Variants in ADSS2 observed in about 807,000 individuals in gnomAD.
ADSS2 encodes the protein adenylosuccinate synthase 2.
ADSS2 carries 30 observed loss-of-function variants against 60.0 expected under a neutral mutation model. The ratio of observed to expected loss-of-function variants is 0.50; its 90% confidence interval spans 0.37 to 0.68. The LOEUF (loss-of-function observed/expected upper bound fraction) is 0.68. Among genes scored for constraint, ADSS2 ranks in the 30% least tolerant of loss-of-function variants. The pLI is 0.00. For synonymous variants in ADSS2, 187 were observed against 193.1 expected (o/e 0.97, Z 0.26); for missense variants, 373 against 554.8 (o/e 0.67, Z 3.29).
At chr1:244,426,032 A>T (rs12080907) in intron 4 of ADSS2, among the ~76,000 whole-genome samples, 18,077 of 152,118 alleles carry the variant, frequency 0.12, 1,364 homozygotes, top group African/African-American at 0.19. Context: ...AAAAGAATAA[A>T]TACTCTTTAT....
Position 244,409,534 on chromosome 1 carries a change from A to C in ADSS2, c.*52T>G. The C allele has an allele frequency of 7.2e-7, 1 of 1,386,048 alleles. No individual in the cohort carries two copies. Among genetic ancestry groups the C allele is most frequent in the South Asian group, 1.2e-5 (1 of 83,200 alleles). 85.9% of individuals were successfully genotyped at this position (1,386,048 alleles called of 1,614,324 possible). ...GCAGGTCATAAATGAAATATTTAAG[A>C]AAGTCTTTTCCCCTCCCTCTCAAGG... On this transcript the variant is annotated 3_prime_UTR_variant, in exon 13 of 13. Transcript: ENST00000366535.
At position 244,409,547 on chromosome 1, in the gene ADSS2, C is replaced by T. The variant is rs1314012935; in HGVS notation, c.*39G>A. 2 of 1,492,566 alleles carry T rather than the reference C, an allele frequency of 1.3e-6. No homozygotes were observed. The highest frequency in any genetic ancestry group is 2.3e-5 in the East Asian group (1 of 44,134). The allele number at this position is 1,492,566 out of a possible 1,614,324, so 92.5% of individuals were successfully genotyped here. On this transcript the variant is annotated 3_prime_UTR_variant, in exon 13 of 13. Coordinates refer to ENST00000366535, the MANE Select transcript of ADSS2 (RefSeq NM_001126.5). Reference sequence around the variant, plus strand: ...GAAATATTTAAGAAAGTCTTTTCCCCTCCCTCTCAAGGAGTGTTTCTTGCA... The same window carrying T: ...GAAATATTTAAGAAAGTCTTTTCCCTTCCCTCTCAAGGAGTGTTTCTTGCA...
intron 11 of ADSS2, among the ~76,000 whole-genome samples, chr1:244,414,652 C>T (rs1354607683): frequency 6.6e-6 from 1 of 152,208 alleles, no homozygotes; most frequent in Non-Finnish European, 1.5e-5. Flanking sequence ...AGACAACAAC[C>T]AGAATCCTAC....
upstream of ADSS2, chr1:244,452,005 G>C (rs928037740): frequency 1.8e-6 from 1 of 557,892 alleles, no homozygotes; most frequent in East Asian, 3.4e-5. Context: ...CCGCTCAAGG[G>C]GGTACCATGA....
chr1:244,450,994 TAAAAAC>T (rs769571793), intron 1 of ADSS2, among the ~76,000 whole-genome samples: 106 of 152,154 alleles, frequency 7.0e-4, no homozygotes, highest in East Asian at 5.2e-3. Flanking sequence ...GAGCACACTG[TAAAAAC>T]AAAAACAAAA....
At position 244,437,663 on chromosome 1, in the gene ADSS2, T is replaced by TAC; in HGVS notation, c.286+1_286+2dup. On this transcript the variant is annotated splice_region_variant and intron_variant, in intron 2 of 12. Coordinates refer to ENST00000366535, the MANE Select transcript of ADSS2 (RefSeq NM_001126.5). ...CTCCATGCAGTTCAGTTTATATACT[T>TAC]ACCAATGAATGCAGTGACATTTGGA... The TAC allele has an allele frequency of 6.4e-7, 1 of 1,561,858 alleles. No homozygotes were observed. Among genetic ancestry groups the TAC allele is most frequent in the Non-Finnish European group, 8.8e-7 (1 of 1,133,960 alleles).
chr1:244,422,685 T>C, intron 7 of ADSS2, 150 bp downstream of exon 7: 1 of 593,594 alleles, frequency 1.7e-6, no homozygotes, highest in Non-Finnish European at 3.0e-6. Flanking sequence ...GTCTAAGCCA[T>C]ATCATGTAAA....
intron 4 of ADSS2, among the ~76,000 whole-genome samples, chr1:244,426,617 T>C (rs1019945122): frequency 1.3e-5 from 2 of 152,176 alleles, no homozygotes; most frequent in Non-Finnish European, 2.9e-5. Context: ...TTTACTATTA[T>C]AGTTAAGTTT....
chr1:244,437,548 T>C lies in ADSS2; in HGVS notation c.286+118A>G, dbSNP rs1665135849. 5 of 739,416 alleles carry C rather than the reference T, an allele frequency of 6.8e-6. No homozygotes were observed. The South Asian group carries it at 7.0e-5, about 10-fold the overall frequency. The allele number at this position is 739,416 out of a possible 1,614,324, so 45.8% of individuals were successfully genotyped here. A position where few individuals can be genotyped will look rare whatever the true frequency, so the allele number is the denominator to read the frequency against. On this transcript the variant is annotated intron_variant, in intron 2 of 12. Coordinates refer to ENST00000366535, the MANE Select transcript of ADSS2 (RefSeq NM_001126.5). ...CAGAAGGTATCAAGGTCAAAATTAA[T>C]AAGAGATCAATGAACCATCTGGTCA... is the stretch of plus-strand genomic sequence containing the variant.
intron 2 of ADSS2, 53 bp downstream of exon 2, chr1:244,437,613 C>T (rs1342729562): frequency 8.1e-7 from 1 of 1,235,686 alleles, no homozygotes; most frequent in Non-Finnish European, 1.2e-6. Flanking sequence ...AAAATAAACG[C>T]CATTATCAAC....
At chr1:244,412,783 A>G (rs1284108104) in intron 11 of ADSS2, among the ~76,000 whole-genome samples, 1 of 152,184 alleles carries the variant, frequency 6.6e-6, no homozygotes, top group African/African-American at 2.4e-5. Context: ...ACTGAATGGG[A>G]CATCTGAGTT....
chr1:244,414,724 G>A (rs1664491265), intron 11 of ADSS2, among the ~76,000 whole-genome samples: 1 of 152,198 alleles, frequency 6.6e-6, no homozygotes, highest in African/African-American at 2.4e-5. Flanking sequence ...TCTGCTGCTG[G>A]TGGGGAGTAC....
At chr1:244,446,976 C>G (rs1374967401) in intron 1 of ADSS2, among the ~76,000 whole-genome samples, 1 of 152,048 alleles carries the variant, frequency 6.6e-6, no homozygotes, top group African/African-American at 2.4e-5. Flanking sequence ...CTCATGGAGC[C>G]TCTTTTCAAA....
rs776911337 is a variant in ADSS2 at position 244,420,279 on chromosome 1, A to C, written c.681T>G (p.Ile227Met). 6.2e-7 allele frequency: 1 copy of C among 1,612,836 alleles called. No homozygotes were observed. Among genetic ancestry groups the C allele is most frequent in the Non-Finnish European group, 8.5e-7 (1 of 1,179,440 alleles). The part of the protein sequence containing the change: ...LQKLKGYMEK[I>M]KPMVRDGVYF... ...AAACTCCATCTCTCACCATTGGTTT[A>C]ATCTTTTCCATATAACCCTATACAC... The change falls in exon 8 of 13, where the codon ATT (isoleucine) becomes ATG (methionine). Residue 227 changes from isoleucine to methionine, a missense_variant. Coordinates refer to ENST00000366535, the MANE Select transcript of ADSS2 (RefSeq NM_001126.5).
chr1:244,435,838 T>C (rs1207408244), intron 3 of ADSS2, among the ~76,000 whole-genome samples: 1 of 152,244 alleles, frequency 6.6e-6, no homozygotes, highest in Non-Finnish European at 1.5e-5. Context: ...AAGTAAGCAG[T>C]ACAGCAGCAG....
At chr1:244,428,519 G>T (rs1442616842) in intron 4 of ADSS2, among the ~76,000 whole-genome samples, 1 of 151,530 alleles carries the variant, frequency 6.6e-6, no homozygotes. Context: ...AGGAAGGAAG[G>T]GAGGGAGAGA....
chr1:244,413,314 A>G (rs1664455468), intron 11 of ADSS2, among the ~76,000 whole-genome samples: 1 of 152,192 alleles, frequency 6.6e-6, no homozygotes. Flanking sequence ...TGTAGATGGT[A>G]GGAGGAATTA....
intron 1 of ADSS2, among the ~76,000 whole-genome samples, chr1:244,449,114 C>T (rs1400110390): frequency 6.6e-6 from 1 of 152,180 alleles, no homozygotes; most frequent in Non-Finnish European, 1.5e-5. Flanking sequence ...CCCCATAAAT[C>T]CTGAATCTGA....
intron 6 of ADSS2, among the ~76,000 whole-genome samples, chr1:244,423,431 G>A (rs1664720155): frequency 6.6e-6 from 1 of 152,168 alleles, no homozygotes; most frequent in South Asian, 2.1e-4. Context: ...CCCTATCATT[G>A]AGTCACTGAG....
Sources: allele counts gnomAD v4.1 joint callset (sites outside exome capture counted in the v4.1 genomes callset), GRCh38; gene constraint gnomAD v4.1.1; transcripts MANE v1.5; gene names NCBI Gene and HGNC (gene_info 2026-07-23, HGNC 2026-07-21).